SLC47A1: variants seen among roughly 807,000 people sequenced by gnomAD.
SLC47A1 encodes multidrug and toxin extrusion protein 1.
Under a neutral mutation model 65.8 loss-of-function variants are expected in SLC47A1, and 58 were observed. The ratio of observed to expected loss-of-function variants is 0.88; its 90% CI spans 0.71 to 1.10. SLC47A1 has a LOEUF of 1.10. Among genes scored for constraint, SLC47A1 ranks in the 50% least tolerant of loss-of-function variants. The pLI is 0.00. For synonymous variants in SLC47A1, 285 were observed against 295.0 expected (o/e 0.97, Z 0.35); for missense variants, 706 against 719.2 (o/e 0.98, Z 0.21).
intron 1 of SLC47A1, among the ~76,000 whole-genome samples, chr17:19,539,211 C>T (rs890957768): frequency 6.6e-6 from 1 of 152,104 alleles, no homozygotes; most frequent in African/African-American, 2.4e-5. Flanking sequence ...GTGCCCGGCC[C>T]AGTCTGGCAA....
intron 16 of SLC47A1, among the ~76,000 whole-genome samples, chr17:19,574,943 G>A (rs1381036240): frequency 1.3e-5 from 2 of 152,018 alleles, no homozygotes; most frequent in Admixed American, 6.6e-5. Context: ...GCCTAACAAT[G>A]GCACTTACTT....
chr17:19,542,093 C>G (rs913500799), intron 1 of SLC47A1, among the ~76,000 whole-genome samples: 4 of 152,030 alleles, frequency 2.6e-5, no homozygotes, highest in Non-Finnish European at 5.9e-5. Flanking sequence ...CCACTGCACT[C>G]CAGCCCAGGT....
rs1222366553 is a variant in SLC47A1, at chr17:19,555,312, G to T, written c.641+3G>T. On this transcript the variant is annotated splice_donor_region_variant and intron_variant, in intron 7 of 16. Coordinates refer to ENST00000270570, the MANE Select transcript of SLC47A1 (RefSeq NM_018242.3). ...CATCAACTGCATCTTGGGGTGATGTGAGTCCAACATACTCTTGGGACAGGG... is the reference window on the plus strand; with the variant it reads ...CATCAACTGCATCTTGGGGTGATGTTAGTCCAACATACTCTTGGGACAGGG... The T allele has an allele frequency of 6.2e-7, 1 of 1,614,032 alleles. No individual in the cohort carries two copies. The highest frequency in any genetic ancestry group is 1.1e-5 in the South Asian group (1 of 91,082).
intron 14 of SLC47A1, among the ~76,000 whole-genome samples, chr17:19,569,686 G>T (rs2084385226): frequency 6.6e-6 from 1 of 152,354 alleles, no homozygotes; most frequent in South Asian, 2.1e-4. Context: ...CCTGGGCCTT[G>T]CCCATGAGAT....
At position 19,578,636 on chromosome 17, in the gene SLC47A1, C is replaced by T. The variant is rs2084458338; in HGVS notation, c.*1083C>T. On this transcript the variant is annotated 3_prime_UTR_variant, in exon 17 of 17. Transcript: ENST00000270570. The stretch of plus-strand genomic sequence containing the variant: ...CTCAGTGCTGTGAAAGTGGATTACA[C>T]CAAATTAAGTCATTCTTATCACACC... The T allele has an allele frequency of 6.6e-6, 1 of 152,262 alleles. No homozygotes were observed. The highest frequency in any genetic ancestry group is 2.1e-4 in the South Asian group (1 of 4,830). The allele number at this position is 152,262 out of a possible 1,614,324, so 9.4% of individuals were successfully genotyped here.
At chr17:19,572,588 C>G (rs867466798) in intron 15 of SLC47A1, among the ~76,000 whole-genome samples, 192 bp from the exon 16 acceptor site, 1 of 152,106 alleles carries the variant, frequency 6.6e-6, no homozygotes, top group South Asian at 2.1e-4. Context: ...CCCCAAAGTG[C>G]TGGGATTACA....
Position 19,555,597 on chromosome 17 carries a change from T to G in SLC47A1, c.646T>G (p.Ser216Ala). Residue 216 changes from serine to alanine, a missense_variant, in exon 8 of 17, where the codon TCT becomes GCT. Transcript: ENST00000270570. ...LHQLHLGVIGSALANLISQYT... is the reference protein window; with the variant it reads ...LHQLHLGVIGAALANLISQYT... ...CATTGGGACTGTTCTTTCCAGAGGCTCTGCACTGGCAAACTTGATTTCCCA... is the reference window on the plus strand; with the variant it reads ...CATTGGGACTGTTCTTTCCAGAGGCGCTGCACTGGCAAACTTGATTTCCCA... 6.2e-7 allele frequency: 1 copy of G among 1,614,158 alleles called. No individual in the cohort carries two copies. The highest frequency in any genetic ancestry group is 8.5e-7 in the Non-Finnish European group (1 of 1,180,004).
intron 16 of SLC47A1, among the ~76,000 whole-genome samples, chr17:19,576,426 A>ACT (rs1338126584): frequency 6.8e-6 from 1 of 147,432 alleles, no homozygotes; most frequent in Non-Finnish European, 1.5e-5. Context: ...ATCATAGCTA[A>ACT]CTGCACCTCG....
chr17:19,542,795 G>GTT (rs34589573), intron 2 of SLC47A1, among the ~76,000 whole-genome samples: 21 of 133,156 alleles, frequency 1.6e-4, no homozygotes, highest in African/African-American at 4.4e-4. Flanking sequence ...TTATTTTGTT[G>GTT]TTTTTTTTTT....
At position 19,557,493 on chromosome 17, in the gene SLC47A1, G is replaced by A. The variant is rs183994184; in HGVS notation, c.921+1431G>A. ...TGTTTCAATATTAACAACTCTTCAA[G>A]GAACATCCTAGGAAAAAATATCTTC... On this transcript the variant is annotated intron_variant, in intron 10 of 16. Transcript: ENST00000270570. 169 of 468,110 alleles carry A rather than the reference G, an allele frequency of 3.6e-4. No homozygotes were observed. In the East Asian group the frequency reaches 8.8e-3, roughly 24 times the overall value. The allele number at this position is 468,110 out of a possible 1,614,324, so 29.0% of individuals were successfully genotyped here.
chr17:19,555,159 AG>A (rs1166639794), intron 6 of SLC47A1, 52 bp from the exon 7 acceptor site: 7 of 1,529,112 alleles, frequency 4.6e-6, no homozygotes, highest in Non-Finnish European at 6.3e-6. Context: ...GGTAGCAGAA[AG>A]GCAGTCCTAT....
intron 10 of SLC47A1, chr17:19,557,586 C>T (rs778184649): frequency 1.9e-6 from 1 of 516,314 alleles, no homozygotes; most frequent in South Asian, 1.4e-5. Flanking sequence ...CGGGGCGATG[C>T]TGCCCTCCCA....
chr17:19,555,349 C>T (rs946289774), intron 7 of SLC47A1, 40 bp downstream of exon 7: 2 of 1,603,148 alleles, frequency 1.2e-6, no homozygotes, highest in Non-Finnish European at 1.7e-6. Context: ...GAAGGGATGA[C>T]TTGCATGTGG....
chr17:19,557,422 T>G, intron 10 of SLC47A1: 1 of 331,044 alleles, frequency 3.0e-6, no homozygotes. Flanking sequence ...CTATATGTGA[T>G]ATACTTTTAA....
At chr17:19,549,051 A>G (rs989561588) in intron 4 of SLC47A1, among the ~76,000 whole-genome samples, 3 of 152,228 alleles carry the variant, frequency 2.0e-5, no homozygotes, top group African/African-American at 7.2e-5. Flanking sequence ...TGCTCGGGAC[A>G]GCACCACACA....
chr17:19,548,534 C>G (rs2152313431), intron 4 of SLC47A1, among the ~76,000 whole-genome samples: 1 of 149,820 alleles, frequency 6.7e-6, no homozygotes, highest in Non-Finnish European at 1.5e-5. Flanking sequence ...AAGTCTCACT[C>G]CGTCCCCCAG....
At chr17:19,546,365 TACAC>T (rs1290467432) in intron 2 of SLC47A1, 66 bp from the exon 3 acceptor site, 13 of 1,493,530 alleles carry the variant, frequency 8.7e-6, no homozygotes, top group Non-Finnish European at 1.1e-5. Flanking sequence ...CTCTTATCAA[TACAC>T]ACAGGGATTT....
At chr17:19,540,799 TGCCTGGA>T (rs202130084) in intron 1 of SLC47A1, among the ~76,000 whole-genome samples, 3,066 of 151,938 alleles carry the variant, frequency 0.02, 98 homozygotes, top group African/African-American at 0.07. Flanking sequence ...GTGAGAGAAG[TGCCTGGA>T]TCATGTAGGA....
At position 19,560,211 on chromosome 17, in the gene SLC47A1, T is replaced by A. The variant is rs747698646; in HGVS notation, c.945T>A (p.Ala315=). 2 of 1,612,906 alleles carry A rather than the reference T, an allele frequency of 1.2e-6. No individual in the cohort carries two copies. Among genetic ancestry groups the A allele is most frequent in the East Asian group, 4.5e-5 (2 of 44,888 alleles). ...VYMVPAGFSV[A]ASVRVGNALG... ...AGGTCCCTGCAGGCTTCAGTGTGGC[T>A]GCCAGTGTCCGGGTAGGAAACGCTC... The change falls in exon 11 of 17, where the codon GCT becomes GCA. Residue 315 remains alanine, a synonymous_variant. Coordinates refer to ENST00000270570, the MANE Select transcript of SLC47A1 (RefSeq NM_018242.3).
Sources: gnomAD v4.1 joint callset for allele counts (sites outside exome capture counted in the v4.1 genomes callset) on GRCh38, gnomAD v4.1.1 for gene constraint, MANE v1.5 for transcripts, NCBI Gene and HGNC (gene_info 2026-07-23, HGNC 2026-07-21) for gene names.